Variants in NRIP1 observed in about 807,000 individuals in gnomAD.
NRIP1 encodes nuclear receptor interacting protein 1.
In NRIP1, 28 loss-of-function variants were observed where a neutral mutation model predicts 75.0. That is an observed-to-expected ratio of 0.37 (90% CI 0.28 to 0.51). The LOEUF (loss-of-function observed/expected upper bound fraction) is 0.51. NRIP1 is among the 20% of genes least tolerant of loss of function. The pLI is 0.92. For synonymous variants in NRIP1, 526 were observed against 487.6 expected (o/e 1.08, Z -1.04); for missense variants, 1,435 against 1,343.7 (o/e 1.07, Z -1.06).
chr21:15,010,812 T>C (rs2088084095), intron 3 of NRIP1, among the ~76,000 whole-genome samples: 1 of 152,118 alleles, frequency 6.6e-6, no homozygotes, highest in Admixed American at 6.6e-5. Flanking sequence ...TGAACGAAGA[T>C]GGCTGGCTGT....
At chr21:14,991,173 G>A (rs1190732498) in intron 3 of NRIP1, 3 of 151,770 alleles carry the variant, frequency 2.0e-5, no homozygotes, top group Admixed American at 2.0e-4. Context: ...AGATTCCACT[G>A]CTGTAGTTCT....
Position 15,008,431 on chromosome 21 carries a change from A to G in NRIP1, c.-335+5913T>C, listed in dbSNP as rs193104906. Among the ~76,000 whole-genome samples the G allele has an allele frequency of 3.1e-3, 474 of 152,284 alleles. 3 individuals carry two copies. Among genetic ancestry groups the G allele is most frequent in the African/African-American group, 0.011 (442 of 41,572 alleles). On this transcript the variant is annotated intron_variant, in intron 3 of 3. Transcript: ENST00000318948. ...GTATTAGAAGGTACACAAATCATAA[A>G]GAGGACTTGAAAGCCGGGGTAGGGG... is the stretch of plus-strand genomic sequence containing the variant.
chr21:15,010,515 T>C (rs900779963), intron 3 of NRIP1, among the ~76,000 whole-genome samples: 1 of 152,152 alleles, frequency 6.6e-6, no homozygotes, highest in Non-Finnish European at 1.5e-5. Context: ...TCAATTAAGA[T>C]ACTAAGTAAA....
At chr21:15,002,279 T>A (rs1477030410) in intron 3 of NRIP1, 1 of 152,198 alleles carries the variant, frequency 6.6e-6, no homozygotes, top group Non-Finnish European at 1.5e-5. Flanking sequence ...TAAAATCTCT[T>A]TTCTTTCTCC....
chr21:15,065,146 C>G (rs558800252), upstream of NRIP1: 9 of 152,592 alleles, frequency 5.9e-5, no homozygotes, highest in African/African-American at 1.9e-4. Flanking sequence ...CTTTTCTCCC[C>G]CTCCCTCCCA....
intron 3 of NRIP1, among the ~76,000 whole-genome samples, chr21:14,993,049 A>G (rs2087616835): frequency 6.6e-6 from 1 of 152,196 alleles, no homozygotes; most frequent in Admixed American, 6.5e-5. Context: ...TTAAACCTTA[A>G]AATACCTGTT....
At chr21:15,013,374 T>A (rs1317883207) in intron 3 of NRIP1, among the ~76,000 whole-genome samples, 3 of 152,228 alleles carry the variant, frequency 2.0e-5, no homozygotes, top group African/African-American at 7.2e-5. Flanking sequence ...GGATTATCCA[T>A]ATGAGGCCTA....
At chr21:15,045,781 T>C (rs1048594727) in intron 1 of NRIP1, among the ~76,000 whole-genome samples, 2 of 152,240 alleles carry the variant, frequency 1.3e-5, no homozygotes, top group African/African-American at 4.8e-5. Flanking sequence ...TCAATTATGT[T>C]TACATGATAT....
chr21:14,965,185 G>A lies in NRIP1; in HGVS notation c.3008C>T (p.Pro1003Leu). ...SCMDNRTFSYPGVVKTPVSPT... is the reference protein window; with the variant it reads ...SCMDNRTFSYLGVVKTPVSPT... ...ACTCACAGGAGTTTTTACTACACCTGGGTATGAAAATGTCCTGTTATCCAT... is the reference window on the plus strand; with the variant it reads ...ACTCACAGGAGTTTTTACTACACCTAGGTATGAAAATGTCCTGTTATCCAT... Residue 1003 changes from proline to leucine, a missense_variant, in exon 4 of 4, where the codon CCA becomes CTA. Transcript: ENST00000318948. 6.2e-7 allele frequency: 1 copy of A among 1,613,548 alleles called. No homozygotes were observed. The highest frequency in any genetic ancestry group is 8.5e-7 in the Non-Finnish European group (1 of 1,179,940).
Position 14,963,791 on chromosome 21 carries a change from GA to G in NRIP1, c.*924del, listed in dbSNP as rs1305200745. On this transcript the variant is annotated 3_prime_UTR_variant, in exon 4 of 4. Transcript: ENST00000318948. ...CAAGTGGTCTGAGTTCAGGTTTAAGGAATCCTGGTCATAACACTCGCAGGTA... is the reference window on the plus strand; with the variant it reads ...CAAGTGGTCTGAGTTCAGGTTTAAGGATCCTGGTCATAACACTCGCAGGTA... 6.6e-6 allele frequency: 1 copy of G among 152,112 alleles called. No homozygotes were observed. The highest frequency in any genetic ancestry group is 2.4e-5 in the African/African-American group (1 of 41,420). 9.4% of individuals were successfully genotyped at this position (152,112 alleles called of 1,614,324 possible).
At chr21:14,994,344 C>T (rs1011167530) in intron 3 of NRIP1, among the ~76,000 whole-genome samples, 1 of 152,100 alleles carries the variant, frequency 6.6e-6, no homozygotes, top group Admixed American at 6.5e-5. Context: ...AGGCTGGTCT[C>T]GAACGCCTGA....
At chr21:15,019,626 T>G (rs1300343970) in intron 2 of NRIP1, among the ~76,000 whole-genome samples, 1 of 151,514 alleles carries the variant, frequency 6.6e-6, no homozygotes, top group Non-Finnish European at 1.5e-5. Flanking sequence ...GTAGCTGGGA[T>G]TACAGGCATG....
At position 14,965,745 on chromosome 21, in the gene NRIP1, A is replaced by G. The variant is rs1383965219; in HGVS notation, c.2448T>C (p.Asn816=). 6.2e-7 allele frequency: 1 copy of G among 1,613,998 alleles called. No homozygotes were observed. Among genetic ancestry groups the G allele is most frequent in the Admixed American group, 1.7e-5 (1 of 59,978 alleles). The change falls in exon 4 of 4, where the codon AAT becomes AAC. Residue 816 remains asparagine (N), a synonymous_variant. Coordinates refer to ENST00000318948, the MANE Select transcript of NRIP1 (RefSeq NM_003489.4). ...GTCTTAGCAATCGACTTAGCAGACC[A>G]TTCTTGGAGAAAGAAAAATCCTGAG... ...VSPQDFSFSK[N]GLLSRLLRQN...
intron 3 of NRIP1, among the ~76,000 whole-genome samples, chr21:15,005,760 G>C (rs776331498): frequency 3.9e-5 from 6 of 152,144 alleles, no homozygotes; most frequent in Non-Finnish European, 7.4e-5. Flanking sequence ...CAGCATTCTG[G>C]AGAGAGGGTT....
intron 3 of NRIP1, among the ~76,000 whole-genome samples, chr21:14,995,932 A>G (rs2823001): frequency 0.36 from 54,800 of 151,964 alleles, 10,668 homozygotes; most frequent in Non-Finnish European, 0.44. Flanking sequence ...ATTCCTTTCT[A>G]TGGTTTGGAA....
chr21:15,015,096 C>T (rs1301554845), intron 2 of NRIP1, among the ~76,000 whole-genome samples: 1 of 152,130 alleles, frequency 6.6e-6, no homozygotes, highest in Non-Finnish European at 1.5e-5. Context: ...AAACAGAATA[C>T]ACACAACACA....
intron 3 of NRIP1, among the ~76,000 whole-genome samples, chr21:15,008,698 T>C (rs897885520): frequency 6.6e-6 from 1 of 152,160 alleles, no homozygotes; most frequent in African/African-American, 2.4e-5. Context: ...AATAAAAATA[T>C]AGAAGATTCT....
Position 14,966,205 on chromosome 21 carries a change from A to G in NRIP1, c.1988T>C (p.Ile663Thr). 6.2e-7 allele frequency: 1 copy of G among 1,613,812 alleles called. No individual in the cohort carries two copies. Among genetic ancestry groups the G allele is most frequent in the Non-Finnish European group, 8.5e-7 (1 of 1,179,922 alleles). Reference protein sequence around the residue: ...QLLTGNTDKPIGMIDRLNSPL... With the variant: ...QLLTGNTDKPTGMIDRLNSPL... ...GCTATTTAATCTATCAATCATACCT[A>G]TCGGTTTATCTGTGTTTCCAGTTAA... The change falls in exon 4 of 4, where the codon ATA (isoleucine) becomes ACA (threonine). Residue 663 changes from isoleucine (I) to threonine (T), a missense_variant. Ile to Thr is a moderately conservative substitution (Grantham distance 89). Coordinates refer to ENST00000318948, the MANE Select transcript of NRIP1 (RefSeq NM_003489.4).
At chr21:15,021,583 T>A (rs1025320929) in intron 2 of NRIP1, among the ~76,000 whole-genome samples, 1 of 152,010 alleles carries the variant, frequency 6.6e-6, no homozygotes, top group East Asian at 1.9e-4. Context: ...AATAAAGCCA[T>A]GAAAAACAAA....
Sources: allele counts gnomAD v4.1 joint callset (sites outside exome capture counted in the v4.1 genomes callset), GRCh38; gene constraint gnomAD v4.1.1; transcripts MANE v1.5; gene names NCBI Gene and HGNC (gene_info 2026-07-23, HGNC 2026-07-21).